ADARB2: variants seen among roughly 807,000 people sequenced by gnomAD.
ADARB2 encodes adenosine deaminase RNA specific B2 (inactive).
ADARB2 carries 25 observed loss-of-function variants against 62.2 expected under a neutral mutation model. The observed-to-expected ratio is 0.40, with a 90% CI of 0.29 to 0.56. The LOEUF (loss-of-function observed/expected upper bound fraction) is 0.56, where lower values mean the gene tolerates loss of function less well. Ranked by LOEUF, ADARB2 falls within the 20% of genes least tolerant of loss-of-function variation. The pLI is 0.43. For synonymous variants in ADARB2, 572 were observed against 500.8 expected (o/e 1.14, Z -1.90); for missense variants, 1,071 against 1,077.4 (o/e 0.99, Z 0.08).
intron 4 of ADARB2, among the ~76,000 whole-genome samples, chr10:1,261,731 T>C (rs1331728983): frequency 6.7e-6 from 1 of 150,250 alleles, no homozygotes; most frequent in Non-Finnish European, 1.5e-5. Flanking sequence ...GAAGTCAGTG[T>C]GGCGATTCCT....
chr10:1,378,020 C>A (rs536677755), intron 2 of ADARB2, among the ~76,000 whole-genome samples: 1 of 152,332 alleles, frequency 6.6e-6, no homozygotes, highest in Non-Finnish European at 1.5e-5. Flanking sequence ...CATCCCGTGA[C>A]AACAGGCGTG....
chr10:1,734,744 AAC>A (rs1835278789), intron 1 of ADARB2, among the ~76,000 whole-genome samples: 1 of 152,210 alleles, frequency 6.6e-6, no homozygotes, highest in South Asian at 2.1e-4. Context: ...TAAATTCCTT[AAC>A]AGTCTCTCAT....
intron 1 of ADARB2, among the ~76,000 whole-genome samples, chr10:1,528,311 C>T (rs1246332105): frequency 6.6e-6 from 1 of 152,234 alleles, no homozygotes; most frequent in Non-Finnish European, 1.5e-5. Flanking sequence ...TCCTCCATTT[C>T]TGGTTCCTTT....
At chr10:1,631,340 C>A (rs1833841682) in intron 1 of ADARB2, among the ~76,000 whole-genome samples, 1 of 152,056 alleles carries the variant, frequency 6.6e-6, no homozygotes, top group South Asian at 2.1e-4. Context: ...ACAGCTCACC[C>A]AGCTTTAGCC....
At chr10:1,702,245 G>T (rs938434621) in intron 1 of ADARB2, among the ~76,000 whole-genome samples, 1 of 152,228 alleles carries the variant, frequency 6.6e-6, no homozygotes, top group Admixed American at 6.5e-5. Flanking sequence ...ACTCATCATT[G>T]TAGCACTCTG....
At chr10:1,354,597 A>G (rs933701120) in intron 3 of ADARB2, among the ~76,000 whole-genome samples, 3 of 152,176 alleles carry the variant, frequency 2.0e-5, no homozygotes, top group African/African-American at 7.2e-5. Flanking sequence ...GGATGTGACA[A>G]TGGGCGAAGG....
At chr10:1,483,432 C>T (rs1446606346) in intron 1 of ADARB2, among the ~76,000 whole-genome samples, 1 of 152,156 alleles carries the variant, frequency 6.6e-6, no homozygotes, top group Non-Finnish European at 1.5e-5. Context: ...GATGGTAATT[C>T]CAAGACAATG....
chr10:1,564,358 T>G (rs907697078), intron 1 of ADARB2, among the ~76,000 whole-genome samples: 96 of 152,362 alleles, frequency 6.3e-4, no homozygotes, highest in South Asian at 1.5e-3. Flanking sequence ...GGGCAAGGAC[T>G]TCATGTCTAA....
intron 1 of ADARB2, among the ~76,000 whole-genome samples, chr10:1,539,046 C>T (rs1336093640): frequency 1.3e-5 from 2 of 152,276 alleles, no homozygotes; most frequent in East Asian, 3.9e-4. Context: ...GCACGTCGGC[C>T]CTGGGATGTG....
chr10:1,221,725 T>C (rs1564225815), intron 6 of ADARB2, among the ~76,000 whole-genome samples: 1 of 152,186 alleles, frequency 6.6e-6, no homozygotes, highest in Non-Finnish European at 1.5e-5. Flanking sequence ...GTTTCATCCA[T>C]GTCCCTACAA....
intron 1 of ADARB2, among the ~76,000 whole-genome samples, chr10:1,548,797 G>A (rs1267329314): frequency 6.6e-5 from 10 of 152,206 alleles, no homozygotes; most frequent in Non-Finnish European, 1.0e-4. Flanking sequence ...ATGGTGTCAC[G>A]TGATGCCAGG....
chr10:1,512,979 GA>G (rs1831957201), intron 1 of ADARB2, among the ~76,000 whole-genome samples: 1 of 152,208 alleles, frequency 6.6e-6, no homozygotes, highest in South Asian at 2.1e-4. Flanking sequence ...CAGGGAGAGT[GA>G]CGATGTCTGG....
chr10:1,432,445 T>C (rs1186636498), intron 1 of ADARB2, among the ~76,000 whole-genome samples: 1 of 151,744 alleles, frequency 6.6e-6, no homozygotes, highest in African/African-American at 2.4e-5. Flanking sequence ...TTTTACACAA[T>C]AGAGTTTGTC....
rs77431672 is a variant in ADARB2 at position 1,661,821 on chromosome 10, C to A, written c.100+75230G>T. On this transcript the variant is annotated intron_variant, in intron 1 of 9. Coordinates refer to ENST00000381312, the MANE Select transcript of ADARB2 (RefSeq NM_018702.4). ...ACACTTGCCCTAAATTTCCCAAGTG[C>A]AAAGGGACGGGGAGAATCAGGCACT... 8.9e-3 allele frequency among the ~76,000 whole-genome samples: 1,357 copies of A among 152,326 alleles called. 17 individuals are homozygous for A. The highest frequency in any genetic ancestry group is 0.045 in the East Asian group (235 of 5,168).
At chr10:1,686,818 G>A (rs1479894045) in intron 1 of ADARB2, among the ~76,000 whole-genome samples, 2 of 152,126 alleles carry the variant, frequency 1.3e-5, no homozygotes, top group African/African-American at 4.8e-5. Context: ...AATGTTTATT[G>A]TTGATTTCTC....
chr10:1,515,175 G>A (rs1018107266), intron 1 of ADARB2, among the ~76,000 whole-genome samples: 2 of 152,200 alleles, frequency 1.3e-5, no homozygotes, highest in Non-Finnish European at 2.9e-5. Flanking sequence ...CTATGGAATA[G>A]CCAGGAAGCA....
chr10:1,489,101 A>G (rs77992024), intron 1 of ADARB2, among the ~76,000 whole-genome samples: 1 of 152,380 alleles, frequency 6.6e-6, no homozygotes, highest in African/African-American at 2.4e-5. Context: ...GGCTGTGTGA[A>G]GTATTGCAGC....
intron 1 of ADARB2, among the ~76,000 whole-genome samples, chr10:1,599,751 C>A (rs1224581581): frequency 1.3e-5 from 2 of 151,788 alleles, no homozygotes; most frequent in African/African-American, 4.8e-5. Flanking sequence ...TGTTTTTTTT[C>A]TCTTTTTGAG....
At chr10:1,501,368 C>G (rs1379032600) in intron 1 of ADARB2, among the ~76,000 whole-genome samples, 1 of 152,202 alleles carries the variant, frequency 6.6e-6, no homozygotes, top group Non-Finnish European at 1.5e-5. Flanking sequence ...TCCGATTTCT[C>G]AAAGGCAGCA....
Sources: allele counts gnomAD v4.1 joint callset (sites outside exome capture counted in the v4.1 genomes callset), GRCh38; gene constraint gnomAD v4.1.1; transcripts MANE v1.5; gene names NCBI Gene and HGNC (gene_info 2026-07-23, HGNC 2026-07-21).